Variants in FGGY observed in about 807,000 individuals in gnomAD.
FGGY encodes FGGY carbohydrate kinase domain-containing protein.
FGGY carries 72 observed loss-of-function variants against 71.3 expected under a neutral mutation model. That is an observed-to-expected ratio of 1.01 (90% confidence interval 0.84 to 1.23). The LOEUF is 1.23. Ranked by LOEUF, FGGY falls within the 50% of genes most tolerant of loss-of-function variation. The pLI, the probability that FGGY is intolerant of heterozygous loss-of-function variation, is 0.00. For synonymous variants in FGGY, 251 were observed against 250.3 expected (o/e 1.00, Z -0.02); for missense variants, 668 against 682.3 (o/e 0.98, Z 0.23).
chr1:59,412,135 G>A (rs556612743), intron 5 of FGGY, among the ~76,000 whole-genome samples: 168 of 152,286 alleles, frequency 1.1e-3, no homozygotes, highest in Admixed American at 2.5e-3. Context: ...CCGTGACCAA[G>A]TTTGCATAGA....
intron 8 of FGGY, among the ~76,000 whole-genome samples, chr1:59,591,501 A>T (rs1571802298): frequency 1.3e-5 from 2 of 148,742 alleles, no homozygotes; most frequent in East Asian, 4.0e-4. Context: ...AAGCCAAAAG[A>T]ACAAACTGGA....
At chr1:59,508,628 A>T in intron 6 of FGGY, among the ~76,000 whole-genome samples, 1 of 152,108 alleles carries the variant, frequency 6.6e-6, no homozygotes, top group East Asian at 1.9e-4. Context: ...AGGGATTCTC[A>T]CCTATTTCTA....
chr1:59,475,054 C>T (rs1227061160), intron 6 of FGGY, among the ~76,000 whole-genome samples: 1 of 152,204 alleles, frequency 6.6e-6, no homozygotes, highest in Non-Finnish European at 1.5e-5. Context: ...ATTCAGATTT[C>T]TCTCTAGGTG....
chr1:59,350,363 C>G (rs1371911143), intron 4 of FGGY, among the ~76,000 whole-genome samples: 1 of 152,136 alleles, frequency 6.6e-6, no homozygotes, highest in African/African-American at 2.4e-5. Context: ...ATCAAATGTA[C>G]TATGCACTGT....
intron 14 of FGGY, among the ~76,000 whole-genome samples, chr1:59,749,883 A>G (rs1428131852): frequency 6.6e-6 from 1 of 152,156 alleles, no homozygotes; most frequent in African/African-American, 2.4e-5. Context: ...ATCCAGTTTC[A>G]AATTCTGGCA....
intron 6 of FGGY, among the ~76,000 whole-genome samples, chr1:59,490,717 TA>T: frequency 6.6e-6 from 1 of 152,232 alleles, no homozygotes; most frequent in Admixed American, 6.5e-5. Flanking sequence ...GTTGGGAGTC[TA>T]ACTTCATTCT....
intron 8 of FGGY, among the ~76,000 whole-genome samples, chr1:59,557,045 C>T (rs2095699093): frequency 6.6e-6 from 1 of 152,098 alleles, no homozygotes; most frequent in Non-Finnish European, 1.5e-5. Context: ...AGACTGTGGT[C>T]ATGCTGGCAT....
intron 7 of FGGY, among the ~76,000 whole-genome samples, chr1:59,533,564 A>G (rs1315706182): frequency 2.0e-5 from 3 of 152,164 alleles, no homozygotes; most frequent in Non-Finnish European, 4.4e-5. Flanking sequence ...AGACAAAAAG[A>G]CAGCAGTAAC....
chr1:59,592,130 G>A (rs574581534), intron 8 of FGGY, among the ~76,000 whole-genome samples: 1 of 152,268 alleles, frequency 6.6e-6, no homozygotes, highest in East Asian at 1.9e-4. Context: ...CAAAGGACAT[G>A]AACAGACACT....
chr1:59,390,680 G>A (rs973818370), intron 5 of FGGY, among the ~76,000 whole-genome samples: 4 of 151,870 alleles, frequency 2.6e-5, no homozygotes, highest in African/African-American at 9.7e-5. Flanking sequence ...AAATATTGGG[G>A]TTTTCTTACT....
intron 2 of FGGY, among the ~76,000 whole-genome samples, chr1:59,323,397 G>A (rs1421688874): frequency 6.6e-6 from 1 of 152,200 alleles, no homozygotes; most frequent in African/African-American, 2.4e-5. Flanking sequence ...TTGCACTATA[G>A]CAAACCTAAA....
In FGGY at chr1:59,512,143, C is replaced by T. The variant is rs373689953; in HGVS notation, c.671-168C>T. 9.3e-4 allele frequency among the ~76,000 whole-genome samples: 142 copies of T among 152,314 alleles called. 2 individuals carry two copies. The highest frequency in any genetic ancestry group is 3.3e-3 in the African/African-American group (138 of 41,554). ...ATGACCCATAGGTACCAAGCACGTA[C>T]ACTAAAGTCACTGGATGAGCAAAGG... On this transcript the variant is annotated intron_variant, in intron 6 of 15. Coordinates refer to ENST00000303721, the MANE Select transcript of FGGY (RefSeq NM_018291.5).
chr1:59,583,002 C>A (rs1558429544), intron 8 of FGGY, among the ~76,000 whole-genome samples: 1 of 115,930 alleles, frequency 8.6e-6, no homozygotes. Context: ...GTACTGGTGT[C>A]TGTAATGCTC....
intron 9 of FGGY, among the ~76,000 whole-genome samples, chr1:59,624,578 A>G (rs949436302): frequency 6.6e-6 from 1 of 152,194 alleles, no homozygotes; most frequent in Non-Finnish European, 1.5e-5. Flanking sequence ...TAATTTATAC[A>G]GAAAAAGAGG....
chr1:59,538,794 A>G (rs961470790), intron 7 of FGGY, among the ~76,000 whole-genome samples: 4 of 141,986 alleles, frequency 2.8e-5, no homozygotes, highest in African/African-American at 7.9e-5. Flanking sequence ...GAATTGAACA[A>G]TGAGAACACA....
chr1:59,542,090 G>C (rs12729541), intron 7 of FGGY, among the ~76,000 whole-genome samples: 30,750 of 152,118 alleles, frequency 0.2, 4,243 homozygotes, highest in African/African-American at 0.39. Flanking sequence ...GGAGATCCTT[G>C]TAATCATAAG....
rs746844190 is a variant in FGGY, at chr1:59,630,236, G to T, written c.1073+4187G>T. Among the ~76,000 whole-genome samples, 6 of 152,202 alleles carry T rather than the reference G, an allele frequency of 3.9e-5. 1 individual carries two copies. Among genetic ancestry groups the T allele is most frequent in the Middle Eastern group, 3.4e-3 (1 of 294 alleles). ...ACCAGGTCCCTCCCACAACACATGA[G>T]GATTATGGGAACTAAAATTCAAGAT... On this transcript the variant is annotated intron_variant, in intron 10 of 15. Coordinates refer to ENST00000303721, the MANE Select transcript of FGGY (RefSeq NM_018291.5).
chr1:59,324,043 A>T (rs2046882377), intron 2 of FGGY, among the ~76,000 whole-genome samples: 1 of 152,086 alleles, frequency 6.6e-6, no homozygotes, highest in Non-Finnish European at 1.5e-5. Flanking sequence ...TTTCTTCCTC[A>T]TGGACTCCAG....
intron 5 of FGGY, among the ~76,000 whole-genome samples, chr1:59,394,828 C>T (rs1465295205): frequency 2.0e-5 from 3 of 152,194 alleles, no homozygotes. Flanking sequence ...ATTTTCACAG[C>T]ACTGAGACTA....
Sources: allele counts gnomAD v4.1 joint callset (sites outside exome capture counted in the v4.1 genomes callset), GRCh38; gene constraint gnomAD v4.1.1; transcripts MANE v1.5; gene names NCBI Gene and HGNC (gene_info 2026-07-23, HGNC 2026-07-21).